TRPC6: variants seen among roughly 807,000 people sequenced by gnomAD.
TRPC6 encodes short transient receptor potential channel 6.
TRPC6 carries 55 observed loss-of-function variants against 90.7 expected under a neutral mutation model. That is an observed-to-expected ratio of 0.61 (90% CI 0.49 to 0.76). TRPC6 has a LOEUF of 0.76. Ranked by LOEUF, TRPC6 falls within the 30% of genes least tolerant of loss-of-function variation. TRPC6 has a pLI of 0.00. For missense variants in TRPC6, 989 were observed against 1,122.7 expected, an observed-to-expected ratio of 0.88 and a Z score of 1.70; for synonymous variants, 393 against 393.0, an observed-to-expected ratio of 1.00 and a Z score of 0.00.
chr11:101,571,080 GTC>G (rs1456520573), intron 1 of TRPC6, among the ~76,000 whole-genome samples: 1 of 152,166 alleles, frequency 6.6e-6, no homozygotes, highest in Non-Finnish European at 1.5e-5. Context: ...AAGTCAAATT[GTC>G]TCTGTTTGCA....
At chr11:101,463,029 G>A (rs10895114) in intron 10 of TRPC6, among the ~76,000 whole-genome samples, 46,991 of 151,964 alleles carry the variant, frequency 0.31, 9,433 homozygotes, top group African/African-American at 0.58. Flanking sequence ...GCACTATTGA[G>A]TTTTGTTGAA....
Position 101,491,909 on chromosome 11 carries a change from T to C in TRPC6, c.946-171A>G, listed in dbSNP as rs555406521. ...AGGCTGGAGTGCAGTGGCACAATCTTGGCTCACTGCAAGATCCGCCTCCTG... is the reference window on the plus strand; with the variant it reads ...AGGCTGGAGTGCAGTGGCACAATCTCGGCTCACTGCAAGATCCGCCTCCTG... On this transcript the variant is annotated intron_variant, in intron 2 of 12. Transcript: ENST00000344327. Among the ~76,000 whole-genome samples the C allele has an allele frequency of 1.0e-4, 15 of 144,396 alleles. No individual in the cohort carries two copies. In the East Asian group the frequency reaches 1.2e-3, roughly 12 times the overall value. 94.7% of individuals were successfully genotyped at this position (144,396 alleles called of 152,430 possible).
intron 2 of TRPC6, among the ~76,000 whole-genome samples, chr11:101,495,591 AATT>A (rs199580955): frequency 0.13 from 18,556 of 141,724 alleles, 1,251 homozygotes; most frequent in South Asian, 0.17. Context: ...GATCAATGGT[AATT>A]ATTATTATTA....
intron 9 of TRPC6, among the ~76,000 whole-genome samples, chr11:101,469,804 A>G (rs1341901559): frequency 6.6e-6 from 1 of 152,178 alleles, no homozygotes; most frequent in African/African-American, 2.4e-5. Flanking sequence ...AATATCATAG[A>G]TTGTATTTTT....
chr11:101,516,108 G>GAAAAA (rs10635008), intron 1 of TRPC6, among the ~76,000 whole-genome samples: 27,412 of 132,750 alleles, frequency 0.21, 3,022 homozygotes, highest in Middle Eastern at 0.25. Context: ...ATGCAGCTGG[G>GAAAAA]AAAAAAAAAA....
rs200144077 is a variant in TRPC6, at chr11:101,483,144, G to A, written c.1315C>T (p.Pro439Ser). 2.5e-6 allele frequency: 4 copies of A among 1,613,960 alleles called. No homozygotes were observed. Among genetic ancestry groups the A allele is most frequent in the Non-Finnish European group, 3.4e-6 (4 of 1,179,918 alleles). Residue 439 changes from proline (P) to serine (S), a missense_variant, in exon 5 of 13, where the codon CCA (proline) becomes TCA (serine). Pro to Ser is a moderately conservative substitution (Grantham distance 74). Around this residue, in one of 4 missense-constraint regions of TRPC6, gnomAD observed 486 missense variants for 591.9 expected, o/e 0.82. Coordinates refer to ENST00000344327, the MANE Select transcript of TRPC6 (RefSeq NM_004621.6). ...CSKMGKIMRGPFMKFVAHAAS... is the reference protein window; with the variant it reads ...CSKMGKIMRGSFMKFVAHAAS... ...GCGTGTGCTACAAACTTCATGAATG[G>A]TCCACGCATTATCTTCCCCATCTGC...
intron 3 of TRPC6, among the ~76,000 whole-genome samples, chr11:101,489,730 C>A (rs948940979): frequency 2.0e-5 from 3 of 151,222 alleles, no homozygotes; most frequent in Admixed American, 2.0e-4. Context: ...AAAGCACTAT[C>A]CCAAAATAAA....
At chr11:101,490,124 T>G (rs2136704292) in intron 3 of TRPC6, among the ~76,000 whole-genome samples, 1 of 152,324 alleles carries the variant, frequency 6.6e-6, no homozygotes, top group African/African-American at 2.4e-5. Flanking sequence ...GTAAGCAAGC[T>G]ATATCAACAA....
At chr11:101,480,135 G>A (rs529577664) in intron 5 of TRPC6, among the ~76,000 whole-genome samples, 3 of 152,178 alleles carry the variant, frequency 2.0e-5, no homozygotes, top group South Asian at 2.1e-4. Context: ...CTGAGATCGC[G>A]CCATTGCACT....
chr11:101,517,678 T>C (rs1860554202), intron 1 of TRPC6, among the ~76,000 whole-genome samples: 1 of 152,184 alleles, frequency 6.6e-6, no homozygotes, highest in Admixed American at 6.5e-5. Flanking sequence ...ACTTTTCAAG[T>C]AACTGCTTTA....
chr11:101,536,312 G>A (rs1425058388), intron 1 of TRPC6, among the ~76,000 whole-genome samples: 5 of 151,722 alleles, frequency 3.3e-5, no homozygotes, highest in East Asian at 3.9e-4. Flanking sequence ...GCTTGAATCC[G>A]GGAGGCGGAG....
intron 1 of TRPC6, among the ~76,000 whole-genome samples, chr11:101,538,191 A>G (rs894530099): frequency 6.6e-6 from 1 of 151,986 alleles, no homozygotes; most frequent in African/African-American, 2.4e-5. Context: ...CTAATACCTC[A>G]GTTCTGTTAC....
At chr11:101,533,914 A>G (rs4509717) in intron 1 of TRPC6, among the ~76,000 whole-genome samples, 55,833 of 151,932 alleles carry the variant, frequency 0.37, 11,112 homozygotes, top group Non-Finnish European at 0.44. Flanking sequence ...ATTGGCTTAC[A>G]GCTGATGATC....
At chr11:101,496,806 A>G (rs1315574479) in intron 2 of TRPC6, among the ~76,000 whole-genome samples, 4 of 152,234 alleles carry the variant, frequency 2.6e-5, no homozygotes, top group Admixed American at 1.3e-4. Flanking sequence ...GACTTGTCAT[A>G]GACCTACAGT....
intron 2 of TRPC6, among the ~76,000 whole-genome samples, chr11:101,501,490 C>G (rs1860123661): frequency 6.6e-6 from 1 of 152,104 alleles, no homozygotes; most frequent in Non-Finnish European, 1.5e-5. Context: ...ACCAACTTCT[C>G]TATTCCTGTA....
Position 101,471,253 on chromosome 11 carries a change from A to G in TRPC6, c.2339T>C (p.Leu780Pro), listed in dbSNP as rs771594597. ...GAACAGCTCAGAAATCCATTTTTTA[A>G]GCTTCAGTAAGAGATAAAACAGGGA... ...PKSLFYLLLKLKKWISELFQG... is the reference protein window; with the variant it reads ...PKSLFYLLLKPKKWISELFQG... The change falls in exon 9 of 13, where the codon CTT becomes CCT. Residue 780 changes from leucine (L) to proline (P), a missense_variant. Leu to Pro is a moderately conservative substitution (Grantham distance 98, BLOSUM62 -3). Around this residue, in one of 4 missense-constraint regions of TRPC6, gnomAD observed 191 missense variants for 196.7 expected, o/e 0.97. Transcript: ENST00000344327. 8 of 1,614,008 alleles carry G rather than the reference A, an allele frequency of 5.0e-6. No homozygotes were observed. The highest frequency in any genetic ancestry group is 3.3e-5 in the Admixed American group (2 of 60,010).
rs541971082 is a variant in TRPC6 at position 101,553,136 on chromosome 11, A to T, written c.170+30198T>A. On this transcript the variant is annotated intron_variant, in intron 1 of 12. Coordinates refer to ENST00000344327, the MANE Select transcript of TRPC6 (RefSeq NM_004621.6). Reference sequence around the variant, plus strand: ...GTGATGTAATCAAAGAATCAGTGCCAGTCCCCTCTTTCTTCATCTGATTCA... The same window carrying T: ...GTGATGTAATCAAAGAATCAGTGCCTGTCCCCTCTTTCTTCATCTGATTCA... Among the ~76,000 whole-genome samples the T allele has an allele frequency of 3.3e-5, 5 of 152,238 alleles. No homozygotes were observed. The South Asian group carries it at 1.0e-3, about 32-fold the overall frequency.
chr11:101,563,164 T>C (rs1315807855), intron 1 of TRPC6, among the ~76,000 whole-genome samples: 1 of 152,152 alleles, frequency 6.6e-6, no homozygotes. Context: ...CGGTGGTGGC[T>C]ACATTGGGCA....
intron 1 of TRPC6, among the ~76,000 whole-genome samples, chr11:101,545,007 T>C (rs1312324148): frequency 6.6e-6 from 1 of 152,176 alleles, no homozygotes; most frequent in African/African-American, 2.4e-5. Flanking sequence ...TGTAGGAATT[T>C]GTTCAATTTA....
Sources: allele counts gnomAD v4.1 joint callset (sites outside exome capture counted in the v4.1 genomes callset), GRCh38; gene constraint gnomAD v4.1.1; regional missense constraint gnomAD v4.1.1; transcripts MANE v1.5; gene names NCBI Gene and HGNC (gene_info 2026-07-23, HGNC 2026-07-21).